PCCA: variants seen among roughly 807,000 people sequenced by gnomAD.
PCCA encodes the protein propionyl-CoA carboxylase alpha chain, mitochondrial.
PCCA carries 74 observed loss-of-function variants against 101.3 expected under a neutral mutation model. The ratio of observed to expected loss-of-function variants is 0.73; its 90% CI spans 0.61 to 0.89. The LOEUF is 0.89. PCCA is among the 40% of genes least tolerant of loss of function. PCCA has a pLI of 0.00. For missense variants in PCCA, 891 were observed against 907.0 expected, an observed-to-expected ratio of 0.98 and a Z score of 0.23; for synonymous variants, 294 against 313.6, an observed-to-expected ratio of 0.94 and a Z score of 0.66.
intron 7 of PCCA, among the ~76,000 whole-genome samples, chr13:100,234,107 C>G (rs1404411675): frequency 6.6e-6 from 1 of 152,172 alleles, no homozygotes; most frequent in Admixed American, 6.5e-5. Flanking sequence ...ATAATCCAGT[C>G]TTCATCAGCC....
intron 21 of PCCA, chr13:100,490,348 A>G (rs1313004208): frequency 6.6e-6 from 1 of 152,202 alleles, no homozygotes; most frequent in Admixed American, 6.5e-5. Flanking sequence ...AATGGTCACC[A>G]TAGGTCTGAT....
chr13:100,367,850 C>T (rs1453919432), intron 18 of PCCA, among the ~76,000 whole-genome samples: 6 of 151,266 alleles, frequency 4.0e-5, no homozygotes, highest in East Asian at 3.9e-4. Flanking sequence ...CCCAGCCTCT[C>T]GGGAGGCTGA....
At chr13:100,414,565 T>G (rs893040657) in intron 19 of PCCA, among the ~76,000 whole-genome samples, 1 of 152,210 alleles carries the variant, frequency 6.6e-6, no homozygotes, top group Non-Finnish European at 1.5e-5. Flanking sequence ...CTTAGCAACG[T>G]TATTAGATCT....
chr13:100,413,594 C>A (rs1366948483), intron 19 of PCCA, among the ~76,000 whole-genome samples: 1 of 152,182 alleles, frequency 6.6e-6, no homozygotes, highest in Non-Finnish European at 1.5e-5. Context: ...CTACCACCAA[C>A]AGCCAGCATT....
intron 21 of PCCA, among the ~76,000 whole-genome samples, chr13:100,488,644 G>GTTT (rs1186017014): frequency 4.6e-5 from 3 of 64,890 alleles, no homozygotes; most frequent in East Asian, 1.3e-3. Flanking sequence ...TTTTTTTTTT[G>GTTT]TTTTTTTTTT....
chr13:100,188,334 AAG>A (rs1448789572), intron 6 of PCCA, among the ~76,000 whole-genome samples: 2,968 of 123,866 alleles, frequency 0.024, 37 homozygotes, highest in South Asian at 0.034. Flanking sequence ...CAAAAACACA[AAG>A]AAAGAAAGAA....
intron 1 of PCCA, among the ~76,000 whole-genome samples, chr13:100,091,596 C>G (rs2046284783): frequency 6.6e-6 from 1 of 152,154 alleles, no homozygotes; most frequent in Middle Eastern, 3.2e-3. Flanking sequence ...GAAGCTGAAT[C>G]TTTTGAAGAT....
intron 21 of PCCA, among the ~76,000 whole-genome samples, chr13:100,452,815 G>C (rs942785773): frequency 6.6e-6 from 1 of 152,166 alleles, no homozygotes; most frequent in East Asian, 1.9e-4. Flanking sequence ...AACAAGGCCT[G>C]GCTTGGAGGA....
At chr13:100,446,073 T>G (rs370873916) in intron 20 of PCCA, among the ~76,000 whole-genome samples, 3 of 152,228 alleles carry the variant, frequency 2.0e-5, no homozygotes, top group East Asian at 1.9e-4. Flanking sequence ...AGAGTCACGC[T>G]GTGGTGCCCA....
chr13:100,232,481 T>A (rs569793372), intron 7 of PCCA, among the ~76,000 whole-genome samples: 1 of 150,590 alleles, frequency 6.6e-6, no homozygotes, highest in Non-Finnish European at 1.5e-5. Flanking sequence ...CCTGGGCTCA[T>A]GCAATCCTCC....
chr13:100,089,211 C>G lies in PCCA; in HGVS notation c.91C>G (p.Leu31Val). The G allele has an allele frequency of 6.6e-7, 1 of 1,522,414 alleles. No individual in the cohort carries two copies. The highest frequency in any genetic ancestry group is 8.8e-7 in the Non-Finnish European group (1 of 1,136,370). 94.3% of individuals were successfully genotyped at this position (1,522,414 alleles called of 1,614,324 possible). ...PPQQLMLSAA[L>V]RTLKHVLYYS... ...GCAGCAGCTGATGCTGAGCGCGGCGCTGCGGACCCTGAAGGTGAGGAGCAA... is the reference window on the plus strand; with the variant it reads ...GCAGCAGCTGATGCTGAGCGCGGCGGTGCGGACCCTGAAGGTGAGGAGCAA... Residue 31 changes from leucine (L) to valine (V), a missense_variant, in exon 1 of 24, where the codon CTG (leucine) becomes GTG (valine). Leu to Val is a conservative substitution (Grantham distance 32, BLOSUM62 1). Coordinates refer to ENST00000376285, the MANE Select transcript of PCCA (RefSeq NM_000282.4).
chr13:100,095,985 G>A (rs1013428428), intron 1 of PCCA, among the ~76,000 whole-genome samples: 19 of 152,178 alleles, frequency 1.2e-4, no homozygotes, highest in Admixed American at 6.5e-5. Context: ...AGAAGACCAA[G>A]CTAGAGATGA....
At chr13:100,464,727 G>T (rs1037900855) in intron 21 of PCCA, among the ~76,000 whole-genome samples, 4 of 152,200 alleles carry the variant, frequency 2.6e-5, no homozygotes. Context: ...TGGTGGCAGG[G>T]TGCTTAAAAA....
rs753343031 is a variant in PCCA at position 100,356,894 on chromosome 13, A to G, written c.1644-11578A>G. On this transcript the variant is annotated intron_variant, in intron 18 of 23. Coordinates refer to ENST00000376285, the MANE Select transcript of PCCA (RefSeq NM_000282.4). ...AATGGATTATTTTTCAGCAATAAAA[A>G]TAAATGAGCTATTGATATTTTCTGC... Among the ~76,000 whole-genome samples, 201 of 152,350 alleles carry G rather than the reference A, an allele frequency of 1.3e-3. 1 individual carries two copies. Among genetic ancestry groups the G allele is most frequent in the Non-Finnish European group, 2.1e-3 (146 of 68,026 alleles).
At chr13:100,446,701 CT>C (rs920189537) in intron 20 of PCCA, among the ~76,000 whole-genome samples, 1 of 152,020 alleles carries the variant, frequency 6.6e-6, no homozygotes, top group African/African-American at 2.4e-5. Context: ...TGTTTTCTGT[CT>C]TTTTTTGCCT....
chr13:100,513,603 G>A (rs1231976961), intron 21 of PCCA, among the ~76,000 whole-genome samples: 1 of 152,218 alleles, frequency 6.6e-6, no homozygotes, highest in Non-Finnish European at 1.5e-5. Context: ...TCATATGCAG[G>A]CTGATCTGTG....
rs371605298 is a variant in PCCA at position 100,329,333 on chromosome 13, C to T, written c.1430-1228C>T. ...GAGACAACTTGCAACATCAGCAGCG[C>T]GTTTGGCCCAGGAACTGCTAATGAA... On this transcript the variant is annotated intron_variant, in intron 16 of 23. Transcript: ENST00000376285. 1.2e-4 allele frequency among the ~76,000 whole-genome samples: 19 copies of T among 152,158 alleles called. No homozygotes were observed. The East Asian group carries it at 3.1e-3, about 25-fold the overall frequency.
chr13:100,500,066 C>T (rs1014676835), intron 21 of PCCA, among the ~76,000 whole-genome samples: 2 of 152,074 alleles, frequency 1.3e-5, no homozygotes, highest in Admixed American at 1.3e-4. Context: ...AGAAATTGGG[C>T]AAGAATGGAA....
chr13:100,368,484 T>G lies in PCCA; in HGVS notation c.1656T>G (p.Ile552Met), dbSNP rs766070482. 2 of 1,588,588 alleles carry G rather than the reference T, an allele frequency of 1.3e-6. No individual in the cohort carries two copies. Among genetic ancestry groups the G allele is most frequent in the Non-Finnish European group, 1.7e-6 (2 of 1,157,426 alleles). ...CATTCTACTTCAGAATGCCTGTTATTAAACCAGACATAGCCAACTGGGAGC... is the reference window on the plus strand; with the variant it reads ...CATTCTACTTCAGAATGCCTGTTATGAAACCAGACATAGCCAACTGGGAGC... Reference protein sequence around the residue: ...HFQENSRMPVIKPDIANWELS... With the variant: ...HFQENSRMPVMKPDIANWELS... The change falls in exon 19 of 24, where the codon ATT becomes ATG. Residue 552 changes from isoleucine (I) to methionine (M), a missense_variant. Coordinates refer to ENST00000376285, the MANE Select transcript of PCCA (RefSeq NM_000282.4).
Sources: allele counts gnomAD v4.1 joint callset (sites outside exome capture counted in the v4.1 genomes callset), GRCh38; gene constraint gnomAD v4.1.1; transcripts MANE v1.5; gene names NCBI Gene and HGNC (gene_info 2026-07-23, HGNC 2026-07-21).